Variants in PEAK1 observed in about 807,000 individuals in gnomAD.
PEAK1 encodes pseudopodium enriched atypical kinase 1.
In PEAK1, 54 loss-of-function variants were observed where a neutral mutation model predicts 124.7. The observed-to-expected ratio is 0.43, with a 90% CI of 0.35 to 0.54. PEAK1 has a LOEUF of 0.54. Ranked by LOEUF, PEAK1 falls within the 20% of genes least tolerant of loss-of-function variation. PEAK1 has a pLI of 0.01. For synonymous variants in PEAK1, 719 were observed against 760.0 expected (o/e 0.95, Z 0.89); for missense variants, 2,046 against 2,134.5 (o/e 0.96, Z 0.82).
intron 7 of PEAK1, among the ~76,000 whole-genome samples, chr15:77,176,111 G>T (rs1199326679): frequency 6.6e-6 from 1 of 151,794 alleles, no homozygotes; most frequent in Non-Finnish European, 1.5e-5. Flanking sequence ...GTGGGGTGGG[G>T]GGAGAGGGGA....
At position 77,179,352 on chromosome 15, in the gene PEAK1, C is replaced by T; in HGVS notation, c.2575G>A (p.Val859Met). ...GGTGGCTCACTTTGGGGGCTAGTCA[C>T]TAATTTGGAGGGAGAGGGGGTGACT... ...KPVTPSPSKL[V>M]TSPQSEPPAP... Residue 859 changes from valine to methionine, a missense_variant, in exon 7 of 10, where the codon GTG (valine) becomes ATG (methionine). Coordinates refer to ENST00000682557, the MANE Select transcript of PEAK1 (RefSeq NM_001385026.1). 12 of 1,613,900 alleles carry T rather than the reference C, an allele frequency of 7.4e-6. No homozygotes were observed. The highest frequency in any genetic ancestry group is 9.3e-6 in the Non-Finnish European group (11 of 1,179,994).
chr15:77,110,050 A>G lies in PEAK1; in HGVS notation c.*4106T>C, dbSNP rs2050894424. The G allele has an allele frequency of 6.6e-6, 1 of 152,220 alleles. No homozygotes were observed. The highest frequency in any genetic ancestry group is 2.1e-4 in the South Asian group (1 of 4,834). The allele number at this position is 152,220 out of a possible 1,614,324, so 9.4% of individuals were successfully genotyped here. On this transcript the variant is annotated 3_prime_UTR_variant, in exon 10 of 10. Coordinates refer to ENST00000682557, the MANE Select transcript of PEAK1 (RefSeq NM_001385026.1). Reference sequence around the variant, plus strand: ...TCAGGTTACTTCCCTGAACCAAAGTATTCATAACTCAAAATTGAGACGCTT... The same window carrying G: ...TCAGGTTACTTCCCTGAACCAAAGTGTTCATAACTCAAAATTGAGACGCTT...
chr15:77,334,065 C>G (rs1309035397), intron 2 of PEAK1: 2 of 767,550 alleles, frequency 2.6e-6, no homozygotes, highest in African/African-American at 3.8e-5. Context: ...ATTCAACTCT[C>G]TTTATGTTAT....
At chr15:77,140,281 C>T (rs2053668251) in intron 8 of PEAK1, among the ~76,000 whole-genome samples, 1 of 140,920 alleles carries the variant, frequency 7.1e-6, no homozygotes, top group Admixed American at 7.3e-5. Context: ...TAAAACTAGA[C>T]AAAGACATAA....
chr15:77,280,167 C>T (rs1308384111), intron 5 of PEAK1, among the ~76,000 whole-genome samples: 1 of 152,096 alleles, frequency 6.6e-6, no homozygotes, highest in Non-Finnish European at 1.5e-5. Context: ...ATGGTGAAAT[C>T]TCAGTCTCTA....
At chr15:77,263,354 C>T (rs2061541938) in intron 5 of PEAK1, among the ~76,000 whole-genome samples, 1 of 151,938 alleles carries the variant, frequency 6.6e-6, no homozygotes, top group African/African-American at 2.4e-5. Context: ...TGATAGACCG[C>T]TAGCTAGACT....
At chr15:77,392,712 G>A (rs1401699863) in intron 1 of PEAK1, among the ~76,000 whole-genome samples, 2 of 152,168 alleles carry the variant, frequency 1.3e-5, no homozygotes, top group African/African-American at 4.8e-5. Context: ...GTCTTGTTGA[G>A]GAGGCGGCGG....
intron 2 of PEAK1, among the ~76,000 whole-genome samples, chr15:77,303,457 T>C (rs1187117551): frequency 6.6e-6 from 1 of 152,176 alleles, no homozygotes; most frequent in Non-Finnish European, 1.5e-5. Context: ...TGCTGAGTAG[T>C]GGTACCACAT....
At chr15:77,293,080 C>T (rs1023196502) in intron 2 of PEAK1, among the ~76,000 whole-genome samples, 17 of 152,186 alleles carry the variant, frequency 1.1e-4, no homozygotes, top group African/African-American at 4.1e-4. Flanking sequence ...TGACTATCTC[C>T]CTTCTCCACA....
At chr15:77,270,147 T>G (rs912920005) in intron 5 of PEAK1, among the ~76,000 whole-genome samples, 1 of 152,100 alleles carries the variant, frequency 6.6e-6, no homozygotes. Flanking sequence ...TAAGAGCTAT[T>G]TATGACAAAC....
At chr15:77,131,171 A>G (rs2044453) in intron 9 of PEAK1, among the ~76,000 whole-genome samples, 49,215 of 152,190 alleles carry the variant, frequency 0.32, 8,430 homozygotes, top group Non-Finnish European at 0.38. Context: ...TGGACAAAAT[A>G]CAGCTATGGA....
rs376807955 is a variant in PEAK1, at chr15:77,250,882, G to T, written c.-115+1485C>A. 2.6e-5 allele frequency among the ~76,000 whole-genome samples: 4 copies of T among 152,264 alleles called. No homozygotes were observed. In the East Asian group the frequency reaches 5.8e-4, roughly 22 times the overall value. ...CCCATCCAAGATATTTTTAATCAAGGTTAATGTTAGTACAGGGAAGAATAA... is the reference window on the plus strand; with the variant it reads ...CCCATCCAAGATATTTTTAATCAAGTTTAATGTTAGTACAGGGAAGAATAA... On this transcript the variant is annotated intron_variant, in intron 6 of 9. Coordinates refer to ENST00000682557, the MANE Select transcript of PEAK1 (RefSeq NM_001385026.1).
At chr15:77,253,244 T>G (rs78645375) in intron 5 of PEAK1, among the ~76,000 whole-genome samples, 1 of 126,930 alleles carries the variant, frequency 7.9e-6, no homozygotes, top group African/African-American at 2.7e-5. Context: ...TTGGTATGCG[T>G]TGGGGGGGGG....
At chr15:77,224,677 T>C (rs1002284945) in intron 6 of PEAK1, among the ~76,000 whole-genome samples, 1 of 151,938 alleles carries the variant, frequency 6.6e-6, no homozygotes, top group Non-Finnish European at 1.5e-5. Flanking sequence ...TGTAAGTGAA[T>C]GCACACTGTA....
intron 5 of PEAK1, among the ~76,000 whole-genome samples, chr15:77,261,467 T>G (rs1406384600): frequency 6.6e-6 from 1 of 151,942 alleles, no homozygotes; most frequent in African/African-American, 2.4e-5. Context: ...GAGAACTATG[T>G]GATGAATGCA....
chr15:77,399,655 A>C (rs1233722607), intron 1 of PEAK1, among the ~76,000 whole-genome samples: 1 of 152,164 alleles, frequency 6.6e-6, no homozygotes, highest in African/African-American at 2.4e-5. Flanking sequence ...CATACACAAA[A>C]AGTCAAATCA....
upstream of PEAK1, chr15:77,420,617 T>G (rs1377416999): frequency 5.9e-6 from 2 of 340,736 alleles, no homozygotes; most frequent in African/African-American, 4.5e-5. Flanking sequence ...TCTGCGGGCC[T>G]TCGCAATAAA....
rs201095207 is a variant in PEAK1, at chr15:77,179,296, A to G, written c.2631T>C (p.Ser877=). The G allele has an allele frequency of 9.1e-5, 147 of 1,613,954 alleles. No homozygotes were observed. The highest frequency in any genetic ancestry group is 1.2e-4 in the Non-Finnish European group (137 of 1,180,014). ...PAPFPPPRST[S]SPYHAGNLLQ... is the part of the protein sequence containing the mutation. ...AAAGGTTACCTGCATGGTAAGGAGA[A>G]GAAGTAGAGCGTGGCGGGGGAAAGG... The change falls in exon 7 of 10, where the codon TCT becomes TCC. Residue 877 remains serine (S), a synonymous_variant. Transcript: ENST00000682557.
intron 7 of PEAK1, chr15:77,178,375 C>T (rs1224935176): frequency 5.4e-6 from 1 of 184,080 alleles, no homozygotes; most frequent in Non-Finnish European, 1.1e-5. Flanking sequence ...TCATAAAAAA[C>T]AAAAAGAATT....
Sources: allele counts gnomAD v4.1 joint callset (sites outside exome capture counted in the v4.1 genomes callset), GRCh38; gene constraint gnomAD v4.1.1; transcripts MANE v1.5; gene names NCBI Gene and HGNC (gene_info 2026-07-23, HGNC 2026-07-21).